SLC66A3: variants seen among roughly 807,000 people sequenced by gnomAD.
SLC66A3 encodes the protein solute carrier family 66 member 3.
A neutral mutation model predicts 25.5 loss-of-function variants in SLC66A3; 23 were observed. The observed-to-expected ratio is 0.90, with a 90% CI of 0.65 to 1.28. The LOEUF is 1.28. Ranked by LOEUF, SLC66A3 falls within the 50% of genes most tolerant of loss-of-function variation. The pLI is 0.00. For synonymous variants in SLC66A3, 108 were observed against 112.6 expected (o/e 0.96, Z 0.26); for missense variants, 246 against 262.1 (o/e 0.94, Z 0.42).
chr2:11,166,166 A>G (rs1662336447), intron 4 of SLC66A3, among the ~76,000 whole-genome samples: 1 of 152,208 alleles, frequency 6.6e-6, no homozygotes, highest in African/African-American at 2.4e-5. Context: ...GAGCCACGGC[A>G]GCTGGCCACT....
chr2:11,172,700 G>C (rs1662596775), intron 5 of SLC66A3: 1 of 420,758 alleles, frequency 2.4e-6, no homozygotes, highest in Non-Finnish European at 4.9e-6. Context: ...CAAGTTACTT[G>C]TCTTAATTAT....
At chr2:11,164,906 G>C (rs1281348273) in intron 4 of SLC66A3, among the ~76,000 whole-genome samples, 2 of 152,206 alleles carry the variant, frequency 1.3e-5, no homozygotes, top group African/African-American at 4.8e-5. Context: ...TCTTAGTACA[G>C]AACAAAATGG....
intron 4 of SLC66A3, among the ~76,000 whole-genome samples, chr2:11,168,485 A>C (rs1047827835): frequency 6.6e-6 from 1 of 152,166 alleles, no homozygotes; most frequent in Non-Finnish European, 1.5e-5. Flanking sequence ...ATCTGGTAGA[A>C]TATCTAGCAG....
Position 11,155,545 on chromosome 2 carries a change from C to A in SLC66A3, c.-2C>A. On this transcript the variant is annotated 5_prime_UTR_variant, in exon 1 of 7. Transcript: ENST00000295083. ...CGCCCAGGTGCCCGCGCCCGTGGCG[C>A]TATGGAGGCGGCGCTGCTGGGGCTG... 6.7e-7 allele frequency: 1 copy of A among 1,496,044 alleles called. No homozygotes were observed. The highest frequency in any genetic ancestry group is 2.2e-5 in the Admixed American group (1 of 45,680). 92.7% of individuals were successfully genotyped at this position (1,496,044 alleles called of 1,614,324 possible). A position where few individuals can be genotyped will look rare whatever the true frequency, so the allele number is the denominator to read the frequency against.
chr2:11,170,588 A>C (rs1411924777), intron 4 of SLC66A3, among the ~76,000 whole-genome samples: 2 of 136,856 alleles, frequency 1.5e-5, no homozygotes, highest in Non-Finnish European at 3.3e-5. Flanking sequence ...ACAGTATCTC[A>C]GTACTTTTTT....
chr2:11,160,800 C>G (rs1304899585), intron 3 of SLC66A3, 106 bp downstream of exon 3: 9 of 1,219,676 alleles, frequency 7.4e-6, no homozygotes, highest in Non-Finnish European at 9.4e-6. Context: ...TTTGGTTAAA[C>G]TAAAAAAAAA....
At chr2:11,169,837 C>CTTTTTTTTTT (rs1186098636) in intron 4 of SLC66A3, among the ~76,000 whole-genome samples, 2,299 of 88,928 alleles carry the variant, frequency 0.026, 112 homozygotes, top group Non-Finnish European at 0.033. Context: ...GGATTTCTCT[C>CTTTTTTTTTT]TTTTTTTTTT....
chr2:11,171,170 T>G (rs1662540219), intron 4 of SLC66A3, among the ~76,000 whole-genome samples: 1 of 151,962 alleles, frequency 6.6e-6, no homozygotes, highest in Non-Finnish European at 1.5e-5. Context: ...ATACAAACAT[T>G]AGCCAGGTGT....
intron 4 of SLC66A3, 76 bp from the exon 5 acceptor site, chr2:11,171,849 T>G: frequency 3.3e-6 from 5 of 1,519,230 alleles, no homozygotes; most frequent in Non-Finnish European, 4.5e-6. Flanking sequence ...ATTACAGGTG[T>G]GAGCCACCGC....
In SLC66A3 at chr2:11,161,978, G is replaced by A. The variant is rs75388325; in HGVS notation, c.296+1284G>A. Among the ~76,000 whole-genome samples the A allele has an allele frequency of 1.9e-3, 285 of 152,344 alleles. 8 individuals carry two copies. In the East Asian group the frequency reaches 0.045, roughly 24 times the overall value. ...CATGAGAATGTGGGTGTGGAGTGGT[G>A]GGAAGCAGTTGGCCTGGAGCCAGAC... On this transcript the variant is annotated intron_variant, in intron 3 of 6. Transcript: ENST00000295083.
chr2:11,159,747 C>T (rs2147983084), intron 1 of SLC66A3, among the ~76,000 whole-genome samples: 1 of 152,278 alleles, frequency 6.6e-6, no homozygotes, highest in African/African-American at 2.4e-5. Flanking sequence ...CAGGTAGCCC[C>T]AGGAGACCAC....
chr2:11,177,705 C>G, intron 6 of SLC66A3, 32 bp from the exon 7 acceptor site: 1 of 1,424,518 alleles, frequency 7.0e-7, no homozygotes, highest in Non-Finnish European at 9.8e-7. Context: ...ATTGTAAAGA[C>G]AGTTTTTAAT....
intron 4 of SLC66A3, among the ~76,000 whole-genome samples, chr2:11,164,774 C>T (rs555146787): frequency 9.9e-4 from 151 of 152,126 alleles, no homozygotes; most frequent in African/African-American, 3.5e-3. Flanking sequence ...ATCTGTTTAA[C>T]AAAGCACATC....
intron 1 of SLC66A3, among the ~76,000 whole-genome samples, chr2:11,156,117 C>G (rs970264839): frequency 2.6e-5 from 4 of 152,206 alleles, no homozygotes; most frequent in African/African-American, 9.6e-5. Context: ...AGGGGTTGAA[C>G]TAAGAATGTA....
At chr2:11,162,742 G>A (rs1035993783) in intron 3 of SLC66A3, among the ~76,000 whole-genome samples, 5 of 152,098 alleles carry the variant, frequency 3.3e-5, no homozygotes, top group African/African-American at 1.2e-4. Flanking sequence ...GAGTAGCTGG[G>A]ACTACAGGCG....
chr2:11,174,509 G>C (rs1380436820), intron 5 of SLC66A3, among the ~76,000 whole-genome samples: 1 of 151,994 alleles, frequency 6.6e-6, no homozygotes, highest in Non-Finnish European at 1.5e-5. Flanking sequence ...GTTTTGTTTT[G>C]TTTTTGAGAC....
intron 5 of SLC66A3, 112 bp downstream of exon 5, chr2:11,172,157 C>T: frequency 1.0e-6 from 1 of 960,306 alleles, no homozygotes; most frequent in Non-Finnish European, 1.5e-6. Context: ...TACTACTTTA[C>T]AAATGGCTAC....
intron 1 of SLC66A3, among the ~76,000 whole-genome samples, 177 bp downstream of exon 1, chr2:11,155,866 C>T (rs1044364322): frequency 3.3e-5 from 5 of 152,194 alleles, no homozygotes; most frequent in Admixed American, 1.3e-4. Context: ...TTCCCACGGC[C>T]ACCCGCCACC....
At position 11,163,890 on chromosome 2, in the gene SLC66A3, A is replaced by G. The variant is rs140179371; in HGVS notation, c.297-314A>G. Among the ~76,000 whole-genome samples, 1,099 of 152,358 alleles carry G rather than the reference A, an allele frequency of 7.2e-3. 17 individuals carry two copies. Among genetic ancestry groups the G allele is most frequent in the African/African-American group, 0.025 (1,043 of 41,580 alleles). On this transcript the variant is annotated intron_variant, in intron 3 of 6. Coordinates refer to ENST00000295083, the MANE Select transcript of SLC66A3 (RefSeq NM_152391.5). ...TTAGCTTTTGACCATAAATCAGAGAAGTCTGCATGGTCTAGAATTCAGTGG... is the reference window on the plus strand; with the variant it reads ...TTAGCTTTTGACCATAAATCAGAGAGGTCTGCATGGTCTAGAATTCAGTGG...
Sources: gnomAD v4.1 joint callset for allele counts (sites outside exome capture counted in the v4.1 genomes callset) on GRCh38, gnomAD v4.1.1 for gene constraint, MANE v1.5 for transcripts, NCBI Gene and HGNC (gene_info 2026-07-23, HGNC 2026-07-21) for gene names.